IQCK: variants seen among roughly 807,000 people sequenced by gnomAD.
IQCK encodes the protein IQ motif containing K, also known as IQ domain-containing protein K.
IQCK carries 29 observed loss-of-function variants against 28.1 expected under a neutral mutation model. The observed-to-expected ratio is 1.03, with a 90% CI of 0.77 to 1.41. The LOEUF (loss-of-function observed/expected upper bound fraction) is 1.41, where lower values mean the gene tolerates loss of function less well. Ranked by LOEUF, IQCK falls within the 40% of genes most tolerant of loss-of-function variation. IQCK has a pLI of 0.00. For missense variants in IQCK, 359 were observed against 314.7 expected (o/e 1.14, Z -1.07); for synonymous variants, 113 against 115.1 (o/e 0.98, Z 0.12).
chr16:19,775,681 C>A (rs2055381692), intron 6 of IQCK, among the ~76,000 whole-genome samples: 1 of 152,096 alleles, frequency 6.6e-6, no homozygotes, highest in Non-Finnish European at 1.5e-5. Flanking sequence ...TCTGAGGTCA[C>A]TGATGCAAAG....
intron 6 of IQCK, among the ~76,000 whole-genome samples, chr16:19,770,815 G>T (rs532691689): frequency 6.6e-6 from 1 of 152,104 alleles, no homozygotes; most frequent in South Asian, 2.1e-4. Flanking sequence ...TAGAGACAGG[G>T]TCTCATCATG....
intron 4 of IQCK, among the ~76,000 whole-genome samples, chr16:19,751,981 C>T (rs923500271): frequency 1.3e-5 from 2 of 152,146 alleles, no homozygotes; most frequent in African/African-American, 4.8e-5. Context: ...ATCAACTGTG[C>T]AATTGTTAAA....
chr16:19,811,024 C>CT (rs2055899016), intron 7 of IQCK, among the ~76,000 whole-genome samples: 1 of 152,188 alleles, frequency 6.6e-6, no homozygotes, highest in Non-Finnish European at 1.5e-5. Flanking sequence ...TGGCTCACGC[C>CT]TGTAATCCCA....
intron 4 of IQCK, chr16:19,735,817 C>G (rs1977995900): frequency 6.0e-6 from 2 of 335,898 alleles, no homozygotes; most frequent in East Asian, 7.8e-5. Flanking sequence ...AATCCCAGCA[C>G]TTTGGGAAGC....
At chr16:19,759,971 TA>T (rs2055113451) in intron 4 of IQCK, among the ~76,000 whole-genome samples, 1 of 151,728 alleles carries the variant, frequency 6.6e-6, no homozygotes, top group Non-Finnish European at 1.5e-5. Context: ...CAGAAAGTTT[TA>T]AAAGTATATT....
intron 4 of IQCK, 40 bp from the exon 5 acceptor site, chr16:19,763,808 T>C (rs1473495183): frequency 6.8e-7 from 1 of 1,477,386 alleles, no homozygotes; most frequent in Non-Finnish European, 9.5e-7. Flanking sequence ...CCATAGTGTT[T>C]AAGGGTCAGT....
chr16:19,737,353 G>A (rs2054772477), intron 4 of IQCK, among the ~76,000 whole-genome samples: 1 of 152,064 alleles, frequency 6.6e-6, no homozygotes, highest in Non-Finnish European at 1.5e-5. Flanking sequence ...AGGAAATAAG[G>A]TTTTCCCATG....
At chr16:19,839,018 C>CAAA (rs71146274) in intron 9 of IQCK, among the ~76,000 whole-genome samples, 18 of 42,582 alleles carry the variant, frequency 4.2e-4, no homozygotes, top group African/African-American at 5.8e-4. Flanking sequence ...GACTCCATAG[C>CAAA]AAAAAAAAAA....
intron 1 of IQCK, among the ~76,000 whole-genome samples, chr16:19,724,788 T>C (rs1253085566): frequency 6.6e-6 from 1 of 152,182 alleles, no homozygotes; most frequent in Non-Finnish European, 1.5e-5. Flanking sequence ...TGCCTCGGCC[T>C]CCCAAAGTGC....
At chr16:19,748,418 G>T (rs936022709) in intron 4 of IQCK, among the ~76,000 whole-genome samples, 1 of 152,040 alleles carries the variant, frequency 6.6e-6, no homozygotes, top group Non-Finnish European at 1.5e-5. Flanking sequence ...TTTGGGCAAG[G>T]TATTTAGCAT....
At chr16:19,728,091 A>G (rs940689745) in intron 1 of IQCK, among the ~76,000 whole-genome samples, 2 of 150,058 alleles carry the variant, frequency 1.3e-5, no homozygotes, top group African/African-American at 2.5e-5. Flanking sequence ...AGTCAGATTC[A>G]AGCAGAAGAG....
At chr16:19,827,336 C>A (rs2056162863), downstream of IQCK, 1 of 587,346 alleles carries the variant, frequency 1.7e-6, no homozygotes, top group Non-Finnish European at 3.0e-6. Flanking sequence ...AGGGCCATTT[C>A]TCTCCCACAG....
chr16:19,780,009 G>A (rs1053844325), intron 6 of IQCK, among the ~76,000 whole-genome samples: 15 of 143,146 alleles, frequency 1.0e-4, no homozygotes, highest in Non-Finnish European at 1.2e-4. Flanking sequence ...GTGAGCCACC[G>A]TGCCCAGCCT....
chr16:19,719,912 A>C (rs1000472411), intron 1 of IQCK, among the ~76,000 whole-genome samples: 1 of 151,962 alleles, frequency 6.6e-6, no homozygotes, highest in Non-Finnish European at 1.5e-5. Context: ...ACCTCAGGTG[A>C]TCTACCTGCC....
At chr16:19,853,338 C>G (rs1335139076) in intron 9 of IQCK, among the ~76,000 whole-genome samples, 1 of 152,148 alleles carries the variant, frequency 6.6e-6, no homozygotes, top group Admixed American at 6.6e-5. Context: ...GAACAAGGTC[C>G]CTAGCTCATT....
intron 9 of IQCK, among the ~76,000 whole-genome samples, chr16:19,855,589 C>CA (rs1464999142): frequency 6.6e-6 from 1 of 152,036 alleles, no homozygotes; most frequent in African/African-American, 2.4e-5. Flanking sequence ...CCCAAAAAAA[C>CA]AAAAAAGTGC....
At chr16:19,738,952 C>T (rs1413113126) in intron 4 of IQCK, among the ~76,000 whole-genome samples, 2 of 152,116 alleles carry the variant, frequency 1.3e-5, no homozygotes, top group African/African-American at 2.4e-5. Context: ...AGCAATACTT[C>T]GTTAGTCCTC....
At chr16:19,849,752 C>G (rs928708738) in intron 9 of IQCK, among the ~76,000 whole-genome samples, 1 of 150,240 alleles carries the variant, frequency 6.7e-6, no homozygotes, top group African/African-American at 2.5e-5. Context: ...CAGAATGACA[C>G]CCTGTCTCTG....
chr16:19,815,496 A>AAAAACAAAAC (rs374060728), intron 7 of IQCK, among the ~76,000 whole-genome samples: 146 of 151,850 alleles, frequency 9.6e-4, no homozygotes, highest in African/African-American at 3.4e-3. Context: ...ACAATTAGGA[A>AAAAACAAAAC]AAAACAAAAC....
Sources: gnomAD v4.1 joint callset for allele counts (sites outside exome capture counted in the v4.1 genomes callset) on GRCh38, gnomAD v4.1.1 for gene constraint, MANE v1.5 for transcripts, NCBI Gene and HGNC (gene_info 2026-07-23, HGNC 2026-07-21) for gene names.